The following DCDC1 variants were observed in gnomAD, a reference collection of about 807,000 sequenced individuals.
DCDC1 encodes doublecortin domain-containing protein 1.
In DCDC1, 200 loss-of-function variants were observed where a neutral mutation model predicts 178.3. The ratio of observed to expected loss-of-function variants is 1.12; its 90% CI spans 1.00 to 1.26. The LOEUF (loss-of-function observed/expected upper bound fraction) is 1.26, where lower values mean the gene tolerates loss of function less well. Ranked by LOEUF, DCDC1 falls within the 50% of genes most tolerant of loss-of-function variation. The pLI is 0.00. For synonymous variants in DCDC1, 690 were observed against 604.8 expected (o/e 1.14, Z -2.07); for missense variants, 1,983 against 1,749.2 (o/e 1.13, Z -2.38).
chr11:31,306,222 C>A lies in DCDC1; in HGVS notation c.591+10G>T. 1 of 1,486,734 alleles carries A rather than the reference C, an allele frequency of 6.7e-7. No homozygotes were observed. Among genetic ancestry groups the A allele is most frequent in the East Asian group, 2.5e-5 (1 of 40,620 alleles). 92.1% of individuals were successfully genotyped at this position (1,486,734 alleles called of 1,614,324 possible). A position where few individuals can be genotyped will look rare whatever the true frequency, so the allele number is the denominator to read the frequency against. On this transcript the variant is annotated intron_variant, in intron 5 of 38. Coordinates refer to ENST00000684477, the MANE Select transcript of DCDC1 (RefSeq NM_001387274.1). The stretch of plus-strand genomic sequence containing the variant: ...AAATAAAGCACAGAAAACTTTGGAA[C>A]ACTAGTTACCAAGGTGATGGTTGGT...
Position 31,077,957 on chromosome 11 carries a change from T to C in DCDC1, c.2238-32A>G, listed in dbSNP as rs756642366. ...CGAAAATGTAATTTAGAGATTGACA[T>C]CTTCTCTCCACAGAAACACTTGTAG... On this transcript the variant is annotated intron_variant, in intron 17 of 38. Coordinates refer to ENST00000684477, the MANE Select transcript of DCDC1 (RefSeq NM_001387274.1). The C allele has an allele frequency of 3.9e-6, 3 of 764,418 alleles. No homozygotes were observed. The South Asian group carries it at 4.0e-5, about 10-fold the overall frequency. 47.4% of individuals were successfully genotyped at this position (764,418 alleles called of 1,614,324 possible).
intron 20 of DCDC1, among the ~76,000 whole-genome samples, 164 bp from the exon 21 acceptor site, chr11:30,952,732 T>C (rs964211389): frequency 2.0e-5 from 3 of 152,054 alleles, no homozygotes; most frequent in Non-Finnish European, 4.4e-5. Flanking sequence ...CAAATGAGAG[T>C]AACTTACTAA....
chr11:31,090,752 T>A (rs1323192756), intron 17 of DCDC1, among the ~76,000 whole-genome samples: 2 of 152,156 alleles, frequency 1.3e-5, no homozygotes, highest in African/African-American at 4.8e-5. Context: ...TAGCCAGAAG[T>A]AGTTGGTAAT....
At chr11:31,033,285 C>CACACAT (rs1391271222) in intron 20 of DCDC1, among the ~76,000 whole-genome samples, 2 of 152,116 alleles carry the variant, frequency 1.3e-5, no homozygotes, top group African/African-American at 4.8e-5. Context: ...TGTGTATACA[C>CACACAT]ACACATACAC....
Position 30,865,020 on chromosome 11 carries a change from C to T in DCDC1, c.*353G>A, listed in dbSNP as rs1940858726. 6.6e-6 allele frequency: 1 copy of T among 151,878 alleles called. No homozygotes were observed. The highest frequency in any genetic ancestry group is 2.4e-5 in the African/African-American group (1 of 41,300). 9.4% of individuals were successfully genotyped at this position (151,878 alleles called of 1,614,324 possible). ...TTTTATTTCAGTTGTACTCATCTGT[C>T]CCACTGTGCAAATGGAGTCACACGC... is the stretch of plus-strand genomic sequence containing the variant. On this transcript the variant is annotated 3_prime_UTR_variant, in exon 39 of 39. Coordinates refer to ENST00000684477, the MANE Select transcript of DCDC1 (RefSeq NM_001387274.1).
At chr11:31,322,242 A>C (rs1591756383) in intron 3 of DCDC1, among the ~76,000 whole-genome samples, 1 of 152,218 alleles carries the variant, frequency 6.6e-6, no homozygotes, top group Non-Finnish European at 1.5e-5. Context: ...GCGTGCAAAA[A>C]TGTATCCAAA....
At chr11:31,081,514 A>T (rs1590975677) in intron 17 of DCDC1, among the ~76,000 whole-genome samples, 1 of 152,042 alleles carries the variant, frequency 6.6e-6, no homozygotes, top group Admixed American at 6.6e-5. Flanking sequence ...GGAGGCTGAG[A>T]CAGGAGAATC....
intron 7 of DCDC1, among the ~76,000 whole-genome samples, chr11:31,282,812 T>A (rs1317088848): frequency 3.3e-5 from 5 of 152,194 alleles, no homozygotes; most frequent in Admixed American, 2.6e-4. Flanking sequence ...AGATTTTTTT[T>A]AAAGATATTT....
At position 30,915,420 on chromosome 11, in the gene DCDC1, T is replaced by C. The variant is rs961073955; in HGVS notation, c.3653+91A>G. 9.5e-6 allele frequency: 13 copies of C among 1,372,640 alleles called. No individual in the cohort carries two copies. The East Asian group carries it at 2.3e-4, about 24-fold the overall frequency. The allele number at this position is 1,372,640 out of a possible 1,614,324, so 85.0% of individuals were successfully genotyped here. A position where few individuals can be genotyped will look rare whatever the true frequency, so the allele number is the denominator to read the frequency against. On this transcript the variant is annotated intron_variant, in intron 27 of 38. Transcript: ENST00000684477. ...AAATAGAAGACCCAGAATTCTCAGA[T>C]ATAGTTCATCTTGTTCTGTGGGGAC...
At chr11:30,938,004 T>A (rs1947383355) in intron 21 of DCDC1, among the ~76,000 whole-genome samples, 1 of 152,048 alleles carries the variant, frequency 6.6e-6, no homozygotes, top group Admixed American at 6.6e-5. Flanking sequence ...CCGGGCTCTG[T>A]TCCTCCTCAA....
chr11:30,969,608 G>A (rs1949666178), intron 20 of DCDC1, among the ~76,000 whole-genome samples: 1 of 152,182 alleles, frequency 6.6e-6, no homozygotes, highest in Non-Finnish European at 1.5e-5. Context: ...TTCAAAATAA[G>A]TTATAAATTC....
intron 21 of DCDC1, among the ~76,000 whole-genome samples, chr11:30,932,637 T>C: frequency 6.6e-6 from 1 of 152,182 alleles, no homozygotes; most frequent in Non-Finnish European, 1.5e-5. Context: ...AAATATAGAC[T>C]GGCAATTACA....
At position 31,328,138 on chromosome 11, in the gene DCDC1, T is replaced by A. The variant is rs1355427253; in HGVS notation, c.143A>T (p.Tyr48Phe). Reference sequence around the variant, plus strand: ...TTACCTTGGTAAATCATTCAAAATATATTTGTAAATTGGGTTTACAGTATT... The same window carrying A: ...TTACCTTGGTAAATCATTCAAAATAAATTTGTAAATTGGGTTTACAGTATT... ...DGNTVNPIYK[Y>F]ILNDLPREFM... is the part of the protein sequence containing the mutation. Residue 48 changes from tyrosine (Y) to phenylalanine (F), a missense_variant, in exon 3 of 39, where the codon TAT (tyrosine) becomes TTT (phenylalanine). Tyr to Phe is a conservative substitution (Grantham distance 22). Coordinates refer to ENST00000684477, the MANE Select transcript of DCDC1 (RefSeq NM_001387274.1). 2.5e-6 allele frequency: 4 copies of A among 1,606,424 alleles called. No individual in the cohort carries two copies. Among genetic ancestry groups the A allele is most frequent in the Non-Finnish European group, 3.4e-6 (4 of 1,175,464 alleles).
intron 11 of DCDC1, among the ~76,000 whole-genome samples, chr11:31,118,933 T>G (rs1238298691): frequency 6.6e-6 from 1 of 152,172 alleles, no homozygotes; most frequent in African/African-American, 2.4e-5. Context: ...AGGAAGATTG[T>G]ATCTTCCTAC....
rs556879912 is a variant in DCDC1 at position 31,142,838 on chromosome 11, CTT to C, written c.1222-5056_1222-5055del. On this transcript the variant is annotated intron_variant, in intron 9 of 38. Coordinates refer to ENST00000684477, the MANE Select transcript of DCDC1 (RefSeq NM_001387274.1). ...AAGCTGGGCAAGTTTAATAAATGGT[CTT>C]TTTTTTTGTCTTTTAGCCTCTAAAA... Among the ~76,000 whole-genome samples, 870 of 150,762 alleles carry C rather than the reference CTT, an allele frequency of 5.8e-3. 6 individuals carry two copies. Among genetic ancestry groups the C allele is most frequent in the African/African-American group, 0.02 (838 of 41,130 alleles).
intron 12 of DCDC1, among the ~76,000 whole-genome samples, chr11:31,107,402 T>A (rs576179117): frequency 6.6e-6 from 1 of 152,268 alleles, no homozygotes; most frequent in South Asian, 2.1e-4. Flanking sequence ...TAACCAGTAG[T>A]AGGACAACTG....
intron 1 of DCDC1, among the ~76,000 whole-genome samples, chr11:31,355,724 C>A (rs1190814933): frequency 6.6e-6 from 1 of 151,990 alleles, no homozygotes; most frequent in Admixed American, 6.6e-5. Context: ...CCCACCACCA[C>A]GCCCGGCTAA....
chr11:31,114,120 A>G (rs1417476554), intron 11 of DCDC1, among the ~76,000 whole-genome samples: 1 of 152,182 alleles, frequency 6.6e-6, no homozygotes, highest in African/African-American at 2.4e-5. Flanking sequence ...AGCTATATAG[A>G]GAAGTGACTG....
intron 2 of DCDC1, among the ~76,000 whole-genome samples, chr11:31,328,609 T>C (rs900947529): frequency 4.6e-5 from 7 of 151,940 alleles, no homozygotes; most frequent in East Asian, 1.9e-4. Context: ...CCATCCTGGC[T>C]AACACAGTGA....
Sources: gnomAD v4.1 joint callset for allele counts (sites outside exome capture counted in the v4.1 genomes callset) on GRCh38, gnomAD v4.1.1 for gene constraint, MANE v1.5 for transcripts, NCBI Gene and HGNC (gene_info 2026-07-23, HGNC 2026-07-21) for gene names.